COLGALT2: variants seen among roughly 807,000 people sequenced by gnomAD.
COLGALT2 encodes collagen beta(1-O)galactosyltransferase 2, also known as procollagen galactosyltransferase 2.
A neutral mutation model predicts 73.4 loss-of-function variants in COLGALT2; 49 were observed. The ratio of observed to expected loss-of-function variants is 0.67; its 90% confidence interval spans 0.53 to 0.85. The LOEUF (loss-of-function observed/expected upper bound fraction) is 0.85, where lower values mean the gene tolerates loss of function less well. Ranked by LOEUF, COLGALT2 falls within the 40% of genes least tolerant of loss-of-function variation. The probability of loss-of-function intolerance (pLI) is 0.00; values close to 1 mark genes in which losing one functional copy is unlikely to be tolerated. For synonymous variants in COLGALT2, 295 were observed against 307.6 expected (o/e 0.96, Z 0.43); for missense variants, 722 against 790.2 (o/e 0.91, Z 1.03).
intron 1 of COLGALT2, 80 bp from the exon 2 acceptor site, chr1:183,978,600 T>C (rs1671270963): frequency 2.5e-6 from 2 of 796,882 alleles, no homozygotes; most frequent in Non-Finnish European, 4.0e-6. Flanking sequence ...CCTGACTAAC[T>C]GAAAGAAGAA....
At chr1:183,956,893 T>C (rs889107449) in intron 6 of COLGALT2, among the ~76,000 whole-genome samples, 2 of 152,146 alleles carry the variant, frequency 1.3e-5, no homozygotes, top group African/African-American at 4.8e-5. Flanking sequence ...ACTTAGTCTG[T>C]GGGGAGAAGG....
At chr1:183,957,112 T>TA (rs1052574736) in intron 6 of COLGALT2, among the ~76,000 whole-genome samples, 9 of 152,130 alleles carry the variant, frequency 5.9e-5, no homozygotes, top group African/African-American at 2.2e-4. Flanking sequence ...CAGCCATTGT[T>TA]ACAGAGGTCT....
At chr1:184,000,986 C>CG (rs1194174531) in intron 1 of COLGALT2, among the ~76,000 whole-genome samples, 3 of 152,072 alleles carry the variant, frequency 2.0e-5, no homozygotes, top group Non-Finnish European at 1.5e-5. Flanking sequence ...CCCGCCACCA[C>CG]GCCTGGCTAA....
Position 183,940,604 on chromosome 1 carries a change from T to A in COLGALT2, c.1581A>T (p.Pro527=), listed in dbSNP as rs1164004629. 1.9e-6 allele frequency: 3 copies of A among 1,614,226 alleles called. No individual in the cohort carries two copies. In the Admixed American group the frequency reaches 5.0e-5, roughly 27 times the overall value. ...ACACGGGATGCTTGTTGTACATGAC[T>A]GGCAGAAACTCATCCACTGGCAGCA... is the stretch of plus-strand genomic sequence containing the variant. The part of the protein sequence containing the change: ...GKMLPVDEFL[P]VMYNKHPVAE... Residue 527 remains proline, a synonymous_variant, in exon 11 of 12, where the codon CCA becomes CCT. Coordinates refer to ENST00000361927, the MANE Select transcript of COLGALT2 (RefSeq NM_015101.4).
At chr1:184,020,233 G>C (rs1468778102) in intron 1 of COLGALT2, among the ~76,000 whole-genome samples, 1 of 152,146 alleles carries the variant, frequency 6.6e-6, no homozygotes. Context: ...AGGATGCAGA[G>C]GATGTTAAGG....
At chr1:184,022,362 G>C (rs1649204388) in intron 1 of COLGALT2, among the ~76,000 whole-genome samples, 1 of 152,176 alleles carries the variant, frequency 6.6e-6, no homozygotes, top group African/African-American at 2.4e-5. Flanking sequence ...TTGGAAACTT[G>C]ATCCCCAATG....
At chr1:184,023,885 C>T (rs1351135600) in intron 1 of COLGALT2, among the ~76,000 whole-genome samples, 1 of 151,860 alleles carries the variant, frequency 6.6e-6, no homozygotes, top group South Asian at 2.1e-4. Context: ...CCTTTTTTTG[C>T]TTCTGTTGTT....
At chr1:183,986,121 A>G (rs1671483315) in intron 1 of COLGALT2, among the ~76,000 whole-genome samples, 1 of 152,218 alleles carries the variant, frequency 6.6e-6, no homozygotes, top group Non-Finnish European at 1.5e-5. Context: ...TCAGCAAAAT[A>G]TGCCAATTGA....
chr1:183,962,495 G>A (rs1670740233), intron 6 of COLGALT2, among the ~76,000 whole-genome samples: 2 of 151,932 alleles, frequency 1.3e-5, no homozygotes, highest in Admixed American at 1.3e-4. Flanking sequence ...TATGCTACAT[G>A]CCCTATTCCA....
chr1:183,962,154 C>CTTTTTTTTTTTTTTTTTTTTTTTT (rs34873073), intron 6 of COLGALT2, among the ~76,000 whole-genome samples: 11 of 85,542 alleles, frequency 1.3e-4, no homozygotes, highest in East Asian at 4.0e-4. Flanking sequence ...TTTTCTCTTT[C>CTTTTTTTTTTTTTTTTTTTTTTTT]TTTTTTTTTT....
chr1:184,023,303 C>A (rs950760961), intron 1 of COLGALT2, among the ~76,000 whole-genome samples: 2 of 152,206 alleles, frequency 1.3e-5, no homozygotes, highest in Admixed American at 1.3e-4. Context: ...TAGCCCCAAC[C>A]AGCTTCATGT....
intron 1 of COLGALT2, among the ~76,000 whole-genome samples, chr1:183,980,375 T>C (rs918307740): frequency 1.3e-5 from 2 of 151,602 alleles, no homozygotes; most frequent in African/African-American, 4.8e-5. Context: ...CAATAAGAAA[T>C]GGTAAGGATG....
chr1:183,992,449 C>A (rs1671654150), intron 1 of COLGALT2, among the ~76,000 whole-genome samples: 1 of 152,196 alleles, frequency 6.6e-6, no homozygotes, highest in Non-Finnish European at 1.5e-5. Flanking sequence ...GACCACAGAT[C>A]ATTTAAGTCA....
intron 1 of COLGALT2, among the ~76,000 whole-genome samples, chr1:184,029,174 A>T (rs1386469034): frequency 6.6e-6 from 1 of 152,230 alleles, no homozygotes; most frequent in Non-Finnish European, 1.5e-5. Flanking sequence ...GTTCCAGCAA[A>T]TTAATTACAG....
chr1:183,993,640 T>C (rs1241178584), intron 1 of COLGALT2, among the ~76,000 whole-genome samples: 2 of 152,160 alleles, frequency 1.3e-5, no homozygotes, highest in African/African-American at 4.8e-5. Context: ...GGTCAGGCCA[T>C]GTCTAAGGCA....
In COLGALT2 at chr1:183,938,417, C is replaced by T; in HGVS notation, c.*344G>A. ...TGCTGATGTGACAGCTCGGTGATCA[C>T]TTTCTCTTGAACAAGACTCTGAGCC... On this transcript the variant is annotated 3_prime_UTR_variant, in exon 12 of 12. Transcript: ENST00000361927. The T allele has an allele frequency of 9.2e-7, 1 of 1,087,008 alleles. No individual in the cohort carries two copies. The highest frequency in any genetic ancestry group is 1.1e-6 in the Non-Finnish European group (1 of 893,526). 67.3% of individuals were successfully genotyped at this position (1,087,008 alleles called of 1,614,324 possible). A position where few individuals can be genotyped will look rare whatever the true frequency, so the allele number is the denominator to read the frequency against.
intron 4 of COLGALT2, among the ~76,000 whole-genome samples, chr1:183,971,379 A>ATGATTGT (rs1244845494): frequency 1.4e-4 from 22 of 152,206 alleles, no homozygotes; most frequent in African/African-American, 5.3e-4. Flanking sequence ...TACTGTACAA[A>ATGATTGT]ACAAGTGAGC....
intron 1 of COLGALT2, among the ~76,000 whole-genome samples, chr1:184,017,195 T>G (rs1649028993): frequency 6.6e-6 from 1 of 152,230 alleles, no homozygotes; most frequent in African/African-American, 2.4e-5. Flanking sequence ...GCAATCCTGA[T>G]ATCTTCTAAT....
At chr1:183,956,546 G>T (rs1295133854) in intron 6 of COLGALT2, among the ~76,000 whole-genome samples, 1 of 152,158 alleles carries the variant, frequency 6.6e-6, no homozygotes, top group Non-Finnish European at 1.5e-5. Flanking sequence ...ATTGTCTGAG[G>T]AGCTGTCTCA....
Sources: allele counts gnomAD v4.1 joint callset (sites outside exome capture counted in the v4.1 genomes callset), GRCh38; gene constraint gnomAD v4.1.1; transcripts MANE v1.5; gene names NCBI Gene and HGNC (gene_info 2026-07-23, HGNC 2026-07-21).